The following ASIC2 variants were observed in gnomAD, a reference collection of about 807,000 sequenced individuals.
ASIC2 encodes the protein acid-sensing ion channel 2.
ASIC2 carries 25 observed loss-of-function variants against 57.3 expected under a neutral mutation model. The observed-to-expected ratio is 0.44, with a 90% CI of 0.32 to 0.61. The LOEUF is 0.61. Among genes scored for constraint, ASIC2 ranks in the 20% least tolerant of loss-of-function variants. ASIC2 has a pLI of 0.06. For missense variants in ASIC2, 641 were observed against 738.1 expected (o/e 0.87, Z 1.52); for synonymous variants, 319 against 307.5 (o/e 1.04, Z -0.39).
chr17:33,035,607 C>A (rs908436452), intron 3 of ASIC2, among the ~76,000 whole-genome samples: 1 of 152,196 alleles, frequency 6.6e-6, no homozygotes, highest in Non-Finnish European at 1.5e-5. Context: ...GGGAAGCGAT[C>A]TTAACTCCTA....
intron 1 of ASIC2, among the ~76,000 whole-genome samples, chr17:33,502,479 G>A (rs1292101576): frequency 2.6e-5 from 4 of 152,202 alleles, no homozygotes; most frequent in African/African-American, 9.7e-5. Flanking sequence ...AGAGCTGGCC[G>A]CTAGCTTGGA....
chr17:33,946,768 G>A (rs1453528240), intron 1 of ASIC2, among the ~76,000 whole-genome samples: 1 of 152,166 alleles, frequency 6.6e-6, no homozygotes, highest in Non-Finnish European at 1.5e-5. Context: ...GGTGGGGCCA[G>A]GGGACAAGGG....
intron 1 of ASIC2, among the ~76,000 whole-genome samples, chr17:34,085,023 C>T (rs910982349): frequency 6.6e-5 from 10 of 152,080 alleles, no homozygotes; most frequent in African/African-American, 2.4e-4. Flanking sequence ...AATTGAATAC[C>T]CTTTATTTCC....
intron 1 of ASIC2, among the ~76,000 whole-genome samples, chr17:33,958,871 T>C (rs1904829246): frequency 6.6e-6 from 1 of 152,160 alleles, no homozygotes; most frequent in South Asian, 2.1e-4. Context: ...TTTCCAAACT[T>C]TTATACTCTG....
rs528983227 is a variant in ASIC2, at chr17:33,139,381, GT to G, written c.709-27315del. On this transcript the variant is annotated intron_variant, in intron 1 of 9. Transcript: ENST00000225823. The stretch of plus-strand genomic sequence containing the variant: ...ATCTATTCTTTCTCTGAAGCCCAAA[GT>G]AAATTTTCTTGGAAAAATCTTTCAG... Among the ~76,000 whole-genome samples the G allele has an allele frequency of 5.7e-4, 87 of 152,312 alleles. 1 individual carries two copies. Among genetic ancestry groups the G allele is most frequent in the Admixed American group, 3.5e-3 (53 of 15,298 alleles).
At chr17:33,357,999 A>T (rs1213478991) in intron 1 of ASIC2, among the ~76,000 whole-genome samples, 4 of 152,194 alleles carry the variant, frequency 2.6e-5, no homozygotes, top group Non-Finnish European at 5.9e-5. Flanking sequence ...CTGTATTTTA[A>T]CAAGTATCCC....
intron 1 of ASIC2, among the ~76,000 whole-genome samples, chr17:33,428,985 A>G (rs1363344131): frequency 6.6e-6 from 1 of 152,130 alleles, no homozygotes; most frequent in Non-Finnish European, 1.5e-5. Context: ...AACCTGCAAT[A>G]AAGTAATTAA....
chr17:33,789,306 A>G (rs909299751), intron 1 of ASIC2, among the ~76,000 whole-genome samples: 3 of 152,218 alleles, frequency 2.0e-5, no homozygotes, highest in African/African-American at 7.2e-5. Flanking sequence ...AACATTTAAT[A>G]ATGATTGACA....
intron 1 of ASIC2, among the ~76,000 whole-genome samples, chr17:33,203,449 C>G (rs529274132): frequency 3.9e-5 from 6 of 152,260 alleles, no homozygotes; most frequent in Admixed American, 6.5e-5. Context: ...TAGAATGATG[C>G]GAAGAAATGT....
intron 3 of ASIC2, among the ~76,000 whole-genome samples, chr17:33,056,266 G>T (rs1400750106): frequency 1.3e-5 from 2 of 152,212 alleles, no homozygotes; most frequent in Admixed American, 1.3e-4. Flanking sequence ...CACACCCAAA[G>T]ATACACAGCT....
At position 33,545,473 on chromosome 17, in the gene ASIC2, G is replaced by A. The variant is rs375376621; in HGVS notation, c.556-433406C>T. On this transcript the variant is annotated intron_variant, in intron 1 of 9. Transcript: ENST00000359872. ...ATGCAGCATATTTTACCCGAGACGC[G>A]GATTTCTACTGTGCTCTATTTTTCA... 1.0e-3 allele frequency among the ~76,000 whole-genome samples: 152 copies of A among 152,078 alleles called. 1 individual carries two copies. Among genetic ancestry groups the A allele is most frequent in the African/African-American group, 3.1e-3 (130 of 41,498 alleles).
rs563778608 is a variant in ASIC2, at chr17:33,178,226, T to C, written c.709-66159A>G. Among the ~76,000 whole-genome samples the C allele has an allele frequency of 7.4e-4, 113 of 152,328 alleles. 1 individual carries two copies. The highest frequency in any genetic ancestry group is 2.6e-3 in the African/African-American group (110 of 41,562). On this transcript the variant is annotated intron_variant, in intron 1 of 9. Transcript: ENST00000225823. ...TGATTTAGCCACTCCATGATGTGTA[T>C]ATAATTCAAAACAACATATTGTACA...
chr17:33,553,037 T>A (rs960490490), intron 1 of ASIC2, among the ~76,000 whole-genome samples: 1 of 152,130 alleles, frequency 6.6e-6, no homozygotes, highest in Non-Finnish European at 1.5e-5. Context: ...AGTCACTTGT[T>A]CTTTGGGGCT....
chr17:33,857,645 A>G (rs1913997374), intron 1 of ASIC2, among the ~76,000 whole-genome samples: 1 of 152,230 alleles, frequency 6.6e-6, no homozygotes, highest in African/African-American at 2.4e-5. Context: ...AGAGAGGGGC[A>G]TGAACTGTTC....
chr17:33,233,309 C>T (rs1908174868), intron 1 of ASIC2, among the ~76,000 whole-genome samples: 1 of 151,668 alleles, frequency 6.6e-6, no homozygotes, highest in South Asian at 2.1e-4. Context: ...CCTCTTTTCC[C>T]AACCCCCACA....
At chr17:33,368,455 A>G (rs917287570) in intron 1 of ASIC2, among the ~76,000 whole-genome samples, 1 of 152,236 alleles carries the variant, frequency 6.6e-6, no homozygotes, top group Non-Finnish European at 1.5e-5. Context: ...ATCAGAGAAC[A>G]GACTTCCCTG....
chr17:33,752,713 T>C (rs777983828), intron 1 of ASIC2, among the ~76,000 whole-genome samples: 8 of 152,242 alleles, frequency 5.3e-5, no homozygotes, highest in Non-Finnish European at 1.0e-4. Flanking sequence ...TCCACATCAA[T>C]GTCATTAAGG....
intron 1 of ASIC2, among the ~76,000 whole-genome samples, chr17:33,484,313 T>C (rs946912125): frequency 6.6e-6 from 1 of 152,152 alleles, no homozygotes; most frequent in African/African-American, 2.4e-5. Context: ...AGTTCCTGTG[T>C]CCAAAAGCCA....
At chr17:33,272,917 C>T (rs1352448202) in intron 1 of ASIC2, among the ~76,000 whole-genome samples, 1 of 152,132 alleles carries the variant, frequency 6.6e-6, no homozygotes, top group Admixed American at 6.5e-5. Flanking sequence ...TCCACGATAC[C>T]CTTGCAAAGT....
Sources: gnomAD v4.1 joint callset for allele counts (sites outside exome capture counted in the v4.1 genomes callset) on GRCh38, gnomAD v4.1.1 for gene constraint, MANE v1.5 for transcripts, NCBI Gene and HGNC (gene_info 2026-07-23, HGNC 2026-07-21) for gene names.